Variants in CDH18 observed in about 807,000 individuals in gnomAD.
CDH18 encodes the protein cadherin-18.
Under a neutral mutation model 67.9 loss-of-function variants are expected in CDH18, and 31 were observed. That is an observed-to-expected ratio of 0.46 (90% confidence interval 0.34 to 0.62). The LOEUF is 0.62. Ranked by LOEUF, CDH18 falls within the 20% of genes least tolerant of loss-of-function variation. CDH18 has a pLI of 0.01. For synonymous variants in CDH18, 362 were observed against 347.2 expected (o/e 1.04, Z -0.48); for missense variants, 890 against 975.5 (o/e 0.91, Z 1.17).
intron 1 of CDH18, among the ~76,000 whole-genome samples, chr5:20,459,999 A>AGG (rs1751135860): frequency 6.6e-6 from 1 of 152,206 alleles, no homozygotes; most frequent in Admixed American, 6.5e-5. Flanking sequence ...GGAAAACCTC[A>AGG]GTCTTGCTTC....
chr5:20,574,794 C>T (rs1759025899), intron 1 of CDH18, among the ~76,000 whole-genome samples: 1 of 152,234 alleles, frequency 6.6e-6, no homozygotes, highest in South Asian at 2.1e-4. Flanking sequence ...TTAATTGATG[C>T]TACTGCAGGT....
chr5:19,779,285 C>T (rs886081700), intron 3 of CDH18, among the ~76,000 whole-genome samples: 7 of 151,980 alleles, frequency 4.6e-5, no homozygotes, highest in Non-Finnish European at 8.8e-5. Context: ...TGAATAATGT[C>T]CCAGATTAAC....
At chr5:20,180,561 C>T (rs1737604479) in intron 2 of CDH18, among the ~76,000 whole-genome samples, 1 of 152,144 alleles carries the variant, frequency 6.6e-6, no homozygotes, top group Non-Finnish European at 1.5e-5. Flanking sequence ...TACAAATGTA[C>T]CGTACTTCTA....
intron 1 of CDH18, among the ~76,000 whole-genome samples, chr5:20,453,767 T>C (rs1213583421): frequency 6.6e-6 from 1 of 152,048 alleles, no homozygotes. Flanking sequence ...AATTTTCATA[T>C]CCTTGAGCAA....
intron 2 of CDH18, among the ~76,000 whole-genome samples, chr5:20,018,776 G>A (rs1048273592): frequency 6.6e-6 from 1 of 151,518 alleles, no homozygotes; most frequent in African/African-American, 2.4e-5. Context: ...ACCCTTAAGA[G>A]AGTTCTCTGA....
chr5:19,629,128 T>A (rs923387322), intron 5 of CDH18, among the ~76,000 whole-genome samples: 2 of 152,104 alleles, frequency 1.3e-5, no homozygotes, highest in Non-Finnish European at 2.9e-5. Context: ...GAAGAAAATG[T>A]TACGTTAAGT....
intron 2 of CDH18, among the ~76,000 whole-genome samples, chr5:20,038,793 A>T (rs1243232055): frequency 1.3e-5 from 2 of 152,230 alleles, no homozygotes; most frequent in South Asian, 4.1e-4. Context: ...CAAGACAAGG[A>T]TGTCCTCTAT....
intron 3 of CDH18, among the ~76,000 whole-genome samples, chr5:19,784,088 G>A (rs962778698): frequency 6.6e-6 from 1 of 151,962 alleles, no homozygotes; most frequent in Non-Finnish European, 1.5e-5. Context: ...ATACATTTTA[G>A]TTATATGCCA....
At chr5:19,529,493 G>T (rs1215406656) in intron 9 of CDH18, among the ~76,000 whole-genome samples, 1 of 151,732 alleles carries the variant, frequency 6.6e-6, no homozygotes, top group Non-Finnish European at 1.5e-5. Context: ...AATAGTAAAA[G>T]AAATAAAAGT....
chr5:20,232,671 A>G (rs182724812), intron 2 of CDH18, among the ~76,000 whole-genome samples: 82 of 152,246 alleles, frequency 5.4e-4, no homozygotes, highest in Non-Finnish European at 1.0e-3. Flanking sequence ...GACATGCCAC[A>G]TTGATATATT....
In CDH18 at chr5:19,841,975, T is replaced by C. The variant is rs1193368303; in HGVS notation, c.-256-2733A>G. Among the ~76,000 whole-genome samples, 3 of 152,322 alleles carry C rather than the reference T, an allele frequency of 2.0e-5. No homozygotes were observed. The East Asian group carries it at 5.8e-4, about 29-fold the overall frequency. ...ACAGCGCTTATGGAGATAATTTTAT[T>C]TACTATATAATAAGAGGACATAACT... On this transcript the variant is annotated intron_variant, in intron 2 of 12. Transcript: ENST00000382275.
chr5:20,457,561 A>G (rs903656822), intron 1 of CDH18, among the ~76,000 whole-genome samples: 4 of 152,112 alleles, frequency 2.6e-5, no homozygotes, highest in Non-Finnish European at 5.9e-5. Flanking sequence ...TTGAACCCCG[A>G]TGCTCTTCTT....
intron 8 of CDH18, among the ~76,000 whole-genome samples, chr5:19,569,248 C>T (rs1740950752): frequency 6.6e-6 from 1 of 152,140 alleles, no homozygotes; most frequent in Admixed American, 6.5e-5. Context: ...CACAGGTAAC[C>T]CAAGCTCCTC....
At chr5:20,102,477 T>C (rs1395562101) in intron 2 of CDH18, among the ~76,000 whole-genome samples, 1 of 152,138 alleles carries the variant, frequency 6.6e-6, no homozygotes, top group Non-Finnish European at 1.5e-5. Flanking sequence ...ACATGTGCTA[T>C]AGGTTGGATG....
intron 2 of CDH18, among the ~76,000 whole-genome samples, chr5:20,204,755 T>G (rs1031263786): frequency 1.3e-5 from 2 of 151,854 alleles, no homozygotes; most frequent in Admixed American, 1.3e-4. Context: ...CAAAATTGTA[T>G]GGGGGAGCTG....
chr5:19,738,468 A>C (rs987211069), intron 4 of CDH18, among the ~76,000 whole-genome samples: 3 of 152,096 alleles, frequency 2.0e-5, no homozygotes, highest in Admixed American at 6.6e-5. Flanking sequence ...ACTGCCAAGA[A>C]TCTCTGACTG....
At chr5:20,223,318 T>G (rs2126461060) in intron 2 of CDH18, among the ~76,000 whole-genome samples, 1 of 152,312 alleles carries the variant, frequency 6.6e-6, no homozygotes, top group Middle Eastern at 3.4e-3. Flanking sequence ...TCCCTTCATT[T>G]TAGCCAATTT....
At chr5:20,007,160 A>G (rs1561707365) in intron 2 of CDH18, among the ~76,000 whole-genome samples, 3 of 152,090 alleles carry the variant, frequency 2.0e-5, no homozygotes, top group South Asian at 2.1e-4. Flanking sequence ...ATATAAGTAA[A>G]GAAATAATTC....
intron 1 of CDH18, among the ~76,000 whole-genome samples, chr5:20,383,491 C>T (rs919858315): frequency 3.9e-5 from 6 of 152,236 alleles, no homozygotes; most frequent in South Asian, 4.1e-4. Flanking sequence ...TATTGAAATG[C>T]GGAATATCTA....
Sources: gnomAD v4.1 joint callset for allele counts (sites outside exome capture counted in the v4.1 genomes callset) on GRCh38, gnomAD v4.1.1 for gene constraint, MANE v1.5 for transcripts, NCBI Gene and HGNC (gene_info 2026-07-23, HGNC 2026-07-21) for gene names.